ARHGEF4: variants seen among roughly 807,000 people sequenced by gnomAD.
The protein encoded by ARHGEF4 is Rho guanine nucleotide exchange factor 4.
Under a neutral mutation model 162.0 loss-of-function variants are expected in ARHGEF4, and 119 were observed. The observed-to-expected ratio is 0.73, with a 90% CI of 0.63 to 0.86. The LOEUF (loss-of-function observed/expected upper bound fraction) is 0.86. Ranked by LOEUF, ARHGEF4 falls within the 40% of genes least tolerant of loss-of-function variation. The probability of loss-of-function intolerance (pLI) is 0.00; values close to 1 mark genes in which losing one functional copy is unlikely to be tolerated. For missense variants in ARHGEF4, 2,488 were observed against 2,456.0 expected (o/e 1.01, Z -0.28); for synonymous variants, 1,014 against 979.9 (o/e 1.03, Z -0.65).
chr2:130,851,946 G>A (rs1342491182), intron 1 of ARHGEF4, among the ~76,000 whole-genome samples: 1 of 152,222 alleles, frequency 6.6e-6, no homozygotes, highest in Non-Finnish European at 1.5e-5. Context: ...TTCCTTACCT[G>A]GAGAATACAG....
chr2:131,039,450 G>T (rs1028867922), intron 6 of ARHGEF4: 1 of 1,025,186 alleles, frequency 9.8e-7, no homozygotes, highest in African/African-American at 1.7e-5. Flanking sequence ...ATAGCAGAGA[G>T]GGGACCTGGA....
intron 1 of ARHGEF4, among the ~76,000 whole-genome samples, chr2:130,908,085 C>CATGGA (rs1200287670): frequency 3.9e-5 from 6 of 152,066 alleles, no homozygotes; most frequent in Non-Finnish European, 7.4e-5. Context: ...TATCCATGAG[C>CATGGA]ATGGAATGTT....
intron 5 of ARHGEF4, among the ~76,000 whole-genome samples, chr2:131,028,904 G>T (rs1689652424): frequency 6.6e-6 from 1 of 152,198 alleles, no homozygotes. Flanking sequence ...TCCTTAAGAA[G>T]AGATCAATTT....
At chr2:130,843,267 C>T (rs565930545) in intron 1 of ARHGEF4, among the ~76,000 whole-genome samples, 2 of 152,212 alleles carry the variant, frequency 1.3e-5, no homozygotes, top group Non-Finnish European at 2.9e-5. Flanking sequence ...GGTCTAAACT[C>T]CAGGTTCCTG....
At chr2:130,989,210 C>T (rs1027319387) in intron 4 of ARHGEF4, among the ~76,000 whole-genome samples, 2 of 152,278 alleles carry the variant, frequency 1.3e-5, no homozygotes, top group Non-Finnish European at 1.5e-5. Context: ...ATCTGCCCAC[C>T]TCTGCCTCCC....
At chr2:131,034,955 C>G (rs1355624059) in intron 5 of ARHGEF4, 2 of 983,158 alleles carry the variant, frequency 2.0e-6, no homozygotes, top group Non-Finnish European at 2.4e-6. Flanking sequence ...AGGCGCCGCG[C>G]GCACGGCGCC....
intron 4 of ARHGEF4, among the ~76,000 whole-genome samples, chr2:131,016,376 C>A (rs1404718655): frequency 6.6e-6 from 1 of 152,216 alleles, no homozygotes; most frequent in Non-Finnish European, 1.5e-5. Context: ...TGAGTGAATT[C>A]AGAAAGCAGT....
intron 1 of ARHGEF4, among the ~76,000 whole-genome samples, chr2:130,908,707 A>T (rs991650729): frequency 1.3e-5 from 2 of 152,092 alleles, no homozygotes; most frequent in Admixed American, 6.5e-5. Context: ...TAAAAAAAAA[A>T]GTTTTACTCT....
chr2:130,931,098 G>A lies in ARHGEF4; in HGVS notation c.3699G>A (p.Val1233=). The A allele has an allele frequency of 1.2e-6, 2 of 1,614,206 alleles. No individual in the cohort carries two copies. Among genetic ancestry groups the A allele is most frequent in the Non-Finnish European group, 1.7e-6 (2 of 1,180,036 alleles). Residue 1233 remains valine (V), a synonymous_variant, in exon 3 of 14, where the codon GTG becomes GTA. Transcript: ENST00000409359. The stretch of plus-strand genomic sequence containing the variant: ...TCCTCTGCATCTCTGCAGAGACTGT[G>A]CGTGGGGAGGCTCCTTCACAGCCTA... ...WALLCISAET[V]RGEAPSQPRG...
chr2:130,846,851 C>T (rs751667601), intron 1 of ARHGEF4, among the ~76,000 whole-genome samples: 8 of 152,092 alleles, frequency 5.3e-5, no homozygotes, highest in Admixed American at 1.3e-4. Flanking sequence ...TCTGATTCAT[C>T]GTGAGGTGGA....
intron 2 of ARHGEF4, among the ~76,000 whole-genome samples, chr2:130,918,202 G>A (rs1398017725): frequency 6.6e-6 from 1 of 152,146 alleles, no homozygotes; most frequent in Non-Finnish European, 1.5e-5. Flanking sequence ...CTACTTTATC[G>A]TATTTAGAAT....
intron 4 of ARHGEF4, among the ~76,000 whole-genome samples, chr2:130,980,363 C>T (rs1306906403): frequency 1.4e-5 from 2 of 147,150 alleles, no homozygotes; most frequent in East Asian, 4.0e-4. Flanking sequence ...GCCATCCACC[C>T]TGTGTGACAG....
intron 4 of ARHGEF4, among the ~76,000 whole-genome samples, chr2:130,956,203 A>G (rs1459523585): frequency 2.6e-5 from 4 of 152,224 alleles, no homozygotes; most frequent in Non-Finnish European, 4.4e-5. Context: ...TATGCAGCCA[A>G]AAGACACATG....
At chr2:130,961,633 G>A (rs950156910) in intron 4 of ARHGEF4, among the ~76,000 whole-genome samples, 4 of 152,202 alleles carry the variant, frequency 2.6e-5, no homozygotes, top group African/African-American at 9.7e-5. Flanking sequence ...GTATTTTAGA[G>A]CTCCCTTGGG....
intron 1 of ARHGEF4, among the ~76,000 whole-genome samples, chr2:130,906,205 A>C (rs1680801950): frequency 6.6e-6 from 1 of 152,228 alleles, no homozygotes; most frequent in African/African-American, 2.4e-5. Context: ...CTTCTTCAAG[A>C]AGAACCTGGC....
intron 4 of ARHGEF4, among the ~76,000 whole-genome samples, chr2:131,015,039 C>T (rs911793325): frequency 6.6e-6 from 1 of 152,092 alleles, no homozygotes; most frequent in Non-Finnish European, 1.5e-5. Flanking sequence ...GTGCGGCGCA[C>T]CTAATGATAC....
intron 2 of ARHGEF4, among the ~76,000 whole-genome samples, chr2:130,927,397 C>T (rs1267167275): frequency 6.6e-6 from 1 of 152,178 alleles, no homozygotes; most frequent in African/African-American, 2.4e-5. Context: ...GAAGAAAGTT[C>T]AAGCTTTCCC....
chr2:130,870,685 T>G (rs56159662), intron 1 of ARHGEF4, among the ~76,000 whole-genome samples: 7,017 of 152,006 alleles, frequency 0.046, 240 homozygotes, highest in East Asian at 0.1. Flanking sequence ...GGAACTCACT[T>G]TGGGGGTGCT....
intron 4 of ARHGEF4, among the ~76,000 whole-genome samples, chr2:130,982,841 G>A (rs1408598516): frequency 3.9e-5 from 6 of 151,962 alleles, no homozygotes; most frequent in Non-Finnish European, 8.8e-5. Context: ...GATAACTTCT[G>A]AATTAGACAA....
Sources: allele counts gnomAD v4.1 joint callset (sites outside exome capture counted in the v4.1 genomes callset), GRCh38; gene constraint gnomAD v4.1.1; transcripts MANE v1.5; gene names NCBI Gene and HGNC (gene_info 2026-07-23, HGNC 2026-07-21).